Variants in ZNF407 observed in about 807,000 individuals in gnomAD.
ZNF407 encodes the protein zinc finger protein 407.
Under a neutral mutation model 131.2 loss-of-function variants are expected in ZNF407, and 17 were observed. The ratio of observed to expected loss-of-function variants is 0.13; its 90% CI spans 0.09 to 0.19. ZNF407 has a LOEUF of 0.19. Among genes scored for constraint, ZNF407 ranks in the 10% least tolerant of loss-of-function variants. The pLI is 1.00. For missense variants in ZNF407, 2,681 were observed against 2,830.6 expected (o/e 0.95, Z 1.20); for synonymous variants, 1,156 against 1,062.0 (o/e 1.09, Z -1.72).
At chr18:74,691,556 G>C (rs766374080) in intron 3 of ZNF407, among the ~76,000 whole-genome samples, 4 of 150,908 alleles carry the variant, frequency 2.7e-5, no homozygotes, top group Non-Finnish European at 4.4e-5. Flanking sequence ...TTATTGATTT[G>C]TACTCTTTAT....
chr18:74,813,845 A>G (rs1265366250), intron 4 of ZNF407, among the ~76,000 whole-genome samples: 1 of 152,152 alleles, frequency 6.6e-6, no homozygotes, highest in Non-Finnish European at 1.5e-5. Context: ...TGCAGGATCT[A>G]TATATCCTAT....
chr18:74,842,839 TC>T (rs1970653210), intron 4 of ZNF407, among the ~76,000 whole-genome samples: 1 of 152,104 alleles, frequency 6.6e-6, no homozygotes, highest in Non-Finnish European at 1.5e-5. Context: ...TTCTCATGCC[TC>T]AGTCTCCCAA....
chr18:74,610,019 C>T (rs1170542615), intron 1 of ZNF407, among the ~76,000 whole-genome samples: 1 of 152,102 alleles, frequency 6.6e-6, no homozygotes, highest in Non-Finnish European at 1.5e-5. Flanking sequence ...TTTATTGTCC[C>T]AACCGGAGCA....
intron 8 of ZNF407, among the ~76,000 whole-genome samples, chr18:75,042,201 A>G (rs1973382087): frequency 6.6e-6 from 1 of 152,128 alleles, no homozygotes; most frequent in Non-Finnish European, 1.5e-5. Flanking sequence ...ACACCTGGCC[A>G]GCCTTCTCAT....
At chr18:75,032,123 A>G (rs1599303309) in intron 8 of ZNF407, among the ~76,000 whole-genome samples, 1 of 152,128 alleles carries the variant, frequency 6.6e-6, no homozygotes. Context: ...AGCTCCCCCC[A>G]CACTGAGGGG....
At chr18:75,041,824 T>C (rs1361453572) in intron 8 of ZNF407, among the ~76,000 whole-genome samples, 1 of 152,238 alleles carries the variant, frequency 6.6e-6, no homozygotes, top group Non-Finnish European at 1.5e-5. Flanking sequence ...AAACACTGTG[T>C]AGCCTGCATT....
At chr18:74,734,314 G>A (rs762697168) in intron 3 of ZNF407, among the ~76,000 whole-genome samples, 3 of 152,150 alleles carry the variant, frequency 2.0e-5, no homozygotes, top group Non-Finnish European at 2.9e-5. Flanking sequence ...AATTGTGTAA[G>A]CACTTGAAAA....
intron 3 of ZNF407, among the ~76,000 whole-genome samples, chr18:74,780,808 T>C (rs1246166511): frequency 1.3e-5 from 2 of 152,198 alleles, no homozygotes; most frequent in African/African-American, 4.8e-5. Context: ...TTCATATTTA[T>C]GTCAACAAAA....
chr18:74,945,744 C>A (rs922401133), intron 8 of ZNF407, among the ~76,000 whole-genome samples: 1 of 152,042 alleles, frequency 6.6e-6, no homozygotes, highest in African/African-American at 2.4e-5. Context: ...CAGGTTTGTC[C>A]TTATTTTTTT....
Position 74,676,575 on chromosome 18 carries a change from T to C in ZNF407, c.4802+35453T>C, listed in dbSNP as rs569778459. Among the ~76,000 whole-genome samples the C allele has an allele frequency of 1.1e-4, 16 of 151,622 alleles. No homozygotes were observed. The East Asian group carries it at 1.2e-3, about 11-fold the overall frequency. ...CCTCAACCTCCCGAGTAGCTGGGAC[T>C]ACAGGCGCCCACCACCGTGCCCGGG... On this transcript the variant is annotated intron_variant, in intron 3 of 8. Transcript: ENST00000299687.
intron 5 of ZNF407, among the ~76,000 whole-genome samples, chr18:74,879,985 A>G (rs1971216214): frequency 6.6e-6 from 1 of 152,248 alleles, no homozygotes; most frequent in South Asian, 2.1e-4. Flanking sequence ...ATTTGGGACA[A>G]CACAGCCTGA....
intron 8 of ZNF407, among the ~76,000 whole-genome samples, chr18:75,034,377 C>T (rs1316733999): frequency 2.1e-5 from 3 of 145,496 alleles, no homozygotes; most frequent in Non-Finnish European, 1.5e-5. Context: ...GACCTCGACT[C>T]ACTGCAAGCT....
intron 3 of ZNF407, among the ~76,000 whole-genome samples, chr18:74,726,291 T>C (rs6565812): frequency 0.67 from 102,285 of 152,012 alleles, 35,798 homozygotes; most frequent in East Asian, 0.85. Flanking sequence ...GACCCCATGA[T>C]GAATCATCTT....
At chr18:74,839,565 T>C (rs370559688) in intron 4 of ZNF407, among the ~76,000 whole-genome samples, 245 of 152,334 alleles carry the variant, frequency 1.6e-3, no homozygotes, top group Middle Eastern at 0.014. Context: ...TTTCAGCTGT[T>C]AGCACATCTA....
intron 3 of ZNF407, among the ~76,000 whole-genome samples, chr18:74,661,398 T>A (rs1298127875): frequency 6.8e-6 from 1 of 147,980 alleles, no homozygotes; most frequent in Admixed American, 6.8e-5. Flanking sequence ...ATATATATAA[T>A]ATATTTATAA....
chr18:74,784,593 A>G (rs1193349504), intron 4 of ZNF407, among the ~76,000 whole-genome samples: 1 of 152,250 alleles, frequency 6.6e-6, no homozygotes, highest in Non-Finnish European at 1.5e-5. Flanking sequence ...ATTTTAGTGC[A>G]GTATCCTACA....
At chr18:74,885,140 T>A (rs1971290436) in intron 6 of ZNF407, among the ~76,000 whole-genome samples, 1 of 152,144 alleles carries the variant, frequency 6.6e-6, no homozygotes, top group African/African-American at 2.4e-5. Flanking sequence ...ACTACCTACC[T>A]AAGTCTTATT....
intron 3 of ZNF407, among the ~76,000 whole-genome samples, chr18:74,736,699 C>G (rs1461064919): frequency 3.9e-5 from 6 of 151,998 alleles, no homozygotes; most frequent in Non-Finnish European, 4.4e-5. Context: ...ATGGCATTTG[C>G]TTGGTGGAAA....
chr18:74,800,543 A>G (rs1412907930), intron 4 of ZNF407, among the ~76,000 whole-genome samples: 1 of 152,114 alleles, frequency 6.6e-6, no homozygotes, highest in Non-Finnish European at 1.5e-5. Context: ...CTTAAAATTC[A>G]TATTCTCCTT....
Sources: allele counts gnomAD v4.1 joint callset (sites outside exome capture counted in the v4.1 genomes callset), GRCh38; gene constraint gnomAD v4.1.1; transcripts MANE v1.5; gene names NCBI Gene and HGNC (gene_info 2026-07-23, HGNC 2026-07-21).